Variants in MXI1 observed in about 807,000 individuals in gnomAD.
MXI1 encodes the protein MAX interactor 1, dimerization protein.
A neutral mutation model predicts 36.9 loss-of-function variants in MXI1; 18 were observed. The ratio of observed to expected loss-of-function variants is 0.49; its 90% CI spans 0.34 to 0.72. MXI1 has a LOEUF of 0.72. Ranked by LOEUF, MXI1 falls within the 30% of genes least tolerant of loss-of-function variation. MXI1 has a pLI of 0.01. For synonymous variants in MXI1, 160 were observed against 146.7 expected, an observed-to-expected ratio of 1.09 and a Z score of -0.65; for missense variants, 304 against 379.1, an observed-to-expected ratio of 0.80 and a Z score of 1.64.
chr10:110,280,908 C>A (rs1198705805), intron 5 of MXI1, among the ~76,000 whole-genome samples: 1 of 152,140 alleles, frequency 6.6e-6, no homozygotes, highest in Non-Finnish European at 1.5e-5. Flanking sequence ...ACTGATTGTT[C>A]TTCCCAAAGC....
intron 2 of MXI1, among the ~76,000 whole-genome samples, chr10:110,231,012 A>G (rs537310635): frequency 1.3e-5 from 2 of 152,370 alleles, no homozygotes; most frequent in African/African-American, 2.4e-5. Context: ...TCTTTAAGAT[A>G]TAATGGTGAT....
At chr10:110,277,963 A>G (rs1283033540) in intron 3 of MXI1, among the ~76,000 whole-genome samples, 3 of 152,218 alleles carry the variant, frequency 2.0e-5, no homozygotes, top group Non-Finnish European at 4.4e-5. Flanking sequence ...TGGTGTGTGA[A>G]TTAGCAAAAC....
intron 2 of MXI1, among the ~76,000 whole-genome samples, chr10:110,232,616 A>G (rs1236829778): frequency 6.6e-6 from 1 of 152,200 alleles, no homozygotes; most frequent in Non-Finnish European, 1.5e-5. Flanking sequence ...CTGCTTAAAC[A>G]TTTATCCCTA....
intron 2 of MXI1, among the ~76,000 whole-genome samples, chr10:110,231,121 C>T (rs572011345): frequency 6.6e-6 from 1 of 152,256 alleles, no homozygotes; most frequent in South Asian, 2.1e-4. Flanking sequence ...AATTCCAGCA[C>T]TTTGGGAGGC....
chr10:110,223,307 A>C (rs1854865527), intron 1 of MXI1, among the ~76,000 whole-genome samples: 1 of 152,162 alleles, frequency 6.6e-6, no homozygotes, highest in Admixed American at 6.5e-5. Context: ...TATTGAGAAA[A>C]GTAGAGTTGT....
intron 3 of MXI1, among the ~76,000 whole-genome samples, chr10:110,278,320 T>C (rs1364008358): frequency 6.6e-6 from 1 of 152,170 alleles, no homozygotes; most frequent in Non-Finnish European, 1.5e-5. Context: ...ACAGGAAGGA[T>C]AGATTAGAGA....
At chr10:110,241,390 TA>T (rs1293923371) in intron 2 of MXI1, among the ~76,000 whole-genome samples, 4 of 151,918 alleles carry the variant, frequency 2.6e-5, no homozygotes, top group African/African-American at 9.7e-5. Context: ...GAATTTATCA[TA>T]ATTGAATATT....
rs961492804 is a variant in MXI1 at position 110,279,100 on chromosome 10, T to G, written c.438-80T>G. ...CTATAGGCTGAATAAATGCAAATTA[T>G]TGTTTATCTTAAAATAGGTTTTATG... is the stretch of plus-strand genomic sequence containing the variant. On this transcript the variant is annotated intron_variant, in intron 3 of 5. Coordinates refer to ENST00000332674, the MANE Select transcript of MXI1 (RefSeq NM_130439.3). 4.6e-6 allele frequency: 5 copies of G among 1,093,294 alleles called. No individual in the cohort carries two copies. The East Asian group carries it at 1.2e-4, about 26-fold the overall frequency. 67.7% of individuals were successfully genotyped at this position (1,093,294 alleles called of 1,614,324 possible).
chr10:110,225,461 T>C (rs1854930102), intron 1 of MXI1, among the ~76,000 whole-genome samples: 1 of 151,834 alleles, frequency 6.6e-6, no homozygotes, highest in Admixed American at 6.6e-5. Flanking sequence ...AAATCATCCC[T>C]CGTTTTTGAA....
At chr10:110,272,671 A>G (rs923985777) in intron 3 of MXI1, among the ~76,000 whole-genome samples, 20 of 151,780 alleles carry the variant, frequency 1.3e-4, no homozygotes, top group Non-Finnish European at 2.1e-4. Flanking sequence ...GAGGCTGACA[A>G]TGTGACAGAA....
At chr10:110,224,145 G>A (rs1423741096) in intron 1 of MXI1, among the ~76,000 whole-genome samples, 1 of 152,170 alleles carries the variant, frequency 6.6e-6, no homozygotes, top group Non-Finnish European at 1.5e-5. Context: ...TTCTGCAGGA[G>A]CCAATGGAAT....
intron 1 of MXI1, chr10:110,227,227 A>T: frequency 5.1e-6 from 2 of 392,746 alleles, no homozygotes; most frequent in Non-Finnish European, 5.9e-6. Context: ...CGCGCGTGGG[A>T]GGGATGGTGC....
At position 110,285,271 on chromosome 10, in the gene MXI1, GTTGA is replaced by G. The variant is rs16410; in HGVS notation, c.*289_*292del. On this transcript the variant is annotated 3_prime_UTR_variant, in exon 6 of 6. Transcript: ENST00000332674. ...CTTGTGTGAAATTTTCTTGATTTGA[GTTGA>G]TTGAGAAGAGGACATTGGAGATGCC... 0.054 allele frequency: 15,109 copies of G among 280,362 alleles called. 580 individuals carry two copies. The highest frequency in any genetic ancestry group is 0.14 in the Middle Eastern group (143 of 994). The allele number at this position is 280,362 out of a possible 1,614,324, so 17.4% of individuals were successfully genotyped here.
chr10:110,282,527 T>A (rs1490485479), intron 5 of MXI1, among the ~76,000 whole-genome samples: 1 of 152,220 alleles, frequency 6.6e-6, no homozygotes, highest in Non-Finnish European at 1.5e-5. Context: ...TTTCCTCTAT[T>A]GCTAACTAGC....
intron 3 of MXI1, among the ~76,000 whole-genome samples, chr10:110,248,929 C>CA (rs1288624683): frequency 1.3e-5 from 2 of 151,888 alleles, no homozygotes; most frequent in African/African-American, 4.8e-5. Context: ...GGTGGTCTGG[C>CA]AAAAAACAAA....
chr10:110,255,776 A>G (rs1564718505), intron 3 of MXI1, among the ~76,000 whole-genome samples: 1 of 152,200 alleles, frequency 6.6e-6, no homozygotes, highest in Non-Finnish European at 1.5e-5. Flanking sequence ...TGCAAGCCCT[A>G]TGAAAGTTCC....
chr10:110,246,619 A>G (rs1485785908), intron 3 of MXI1, among the ~76,000 whole-genome samples: 6 of 152,156 alleles, frequency 3.9e-5, no homozygotes, highest in East Asian at 3.9e-4. Flanking sequence ...CCAAATGACT[A>G]TGCCCCAAAT....
intron 1 of MXI1, among the ~76,000 whole-genome samples, chr10:110,221,250 A>G (rs1458043738): frequency 6.6e-6 from 1 of 152,252 alleles, no homozygotes; most frequent in Non-Finnish European, 1.5e-5. Flanking sequence ...TTATTCCATC[A>G]GTTTGATAGA....
intron 2 of MXI1, among the ~76,000 whole-genome samples, chr10:110,231,975 G>GT (rs199767400): frequency 0.15 from 21,330 of 146,798 alleles, 2,079 homozygotes; most frequent in South Asian, 0.34. Context: ...TGCAACTACA[G>GT]TTTTTTTTTT....
Sources: gnomAD v4.1 joint callset for allele counts (sites outside exome capture counted in the v4.1 genomes callset) on GRCh38, gnomAD v4.1.1 for gene constraint, MANE v1.5 for transcripts, NCBI Gene and HGNC (gene_info 2026-07-23, HGNC 2026-07-21) for gene names.